Variants in CTPS2 observed in about 807,000 individuals in gnomAD.
The protein encoded by CTPS2 is CTP synthase 2.
A neutral mutation model predicts 46.8 loss-of-function variants in CTPS2; 19 were observed. That is an observed-to-expected ratio of 0.41 (90% CI 0.28 to 0.60). CTPS2 has a LOEUF of 0.60. Ranked by LOEUF, CTPS2 falls within the 20% of genes least tolerant of loss-of-function variation. The probability of loss-of-function intolerance (pLI) is 0.35; values close to 1 mark genes in which losing one functional copy is unlikely to be tolerated. For synonymous variants in CTPS2, 151 were observed against 165.2 expected (o/e 0.91, Z 0.66); for missense variants, 286 against 447.6 (o/e 0.64, Z 3.26).
chrX:16,626,644 C>T (rs770089777), intron 14 of CTPS2, among the ~76,000 whole-genome samples: 28 of 111,311 alleles, frequency 2.5e-4, no homozygotes, highest in Non-Finnish European at 5.1e-4. Context: ...GTCCATGATG[C>T]CCTCTTGCTC....
Position 16,588,840 on chromosome X carries a change from C to T in CTPS2, c.*977G>A, listed in dbSNP as rs1207487155. The T allele has an allele frequency of 3.6e-5, 4 of 111,809 alleles. No individual in the cohort carries two copies. Among genetic ancestry groups the T allele is most frequent in the Non-Finnish European group, 7.5e-5 (4 of 53,217 alleles). The allele number at this position is 111,809 out of a possible 1,213,427, so 9.2% of individuals were successfully genotyped here. A position where few individuals can be genotyped will look rare whatever the true frequency, so the allele number is the denominator to read the frequency against. ...CTTCAAAATGGTTAATTCTATGTTA[C>T]GTGAATTTCACGTCGATTAAAAAAT... On this transcript the variant is annotated 3_prime_UTR_variant, in exon 19 of 19. Coordinates refer to ENST00000359276, the MANE Select transcript of CTPS2 (RefSeq NM_175859.3).
intron 17 of CTPS2, among the ~76,000 whole-genome samples, chrX:16,598,612 C>T (rs1392262983): frequency 9.0e-6 from 1 of 111,730 alleles, no homozygotes; most frequent in Non-Finnish European, 1.9e-5. Flanking sequence ...GATTCACAGC[C>T]GAATTCTACC....
intron 7 of CTPS2, among the ~76,000 whole-genome samples, chrX:16,690,285 C>T (rs1168671815): frequency 9.1e-6 from 1 of 109,834 alleles, no homozygotes; most frequent in Non-Finnish European, 1.9e-5. Flanking sequence ...GCAGGAGAAT[C>T]GCTTGAACCC....
chrX:16,626,336 A>G (rs1931149135), intron 14 of CTPS2, among the ~76,000 whole-genome samples: 1 of 111,202 alleles, frequency 9.0e-6, no homozygotes. Context: ...AGCCAAGATC[A>G]TGCCACTGCA....
At chrX:16,607,264 G>A (rs1481106036) in intron 17 of CTPS2, among the ~76,000 whole-genome samples, 3 of 113,115 alleles carry the variant, frequency 2.7e-5, no homozygotes. Flanking sequence ...AACGGGAATT[G>A]TAAAACGGCT....
chrX:16,659,420 AG>A (rs1364280100), intron 13 of CTPS2, among the ~76,000 whole-genome samples: 1 of 110,953 alleles, frequency 9.0e-6, no homozygotes, highest in East Asian at 2.8e-4. Flanking sequence ...GTGGGCATTC[AG>A]AAAGAGAGAA....
chrX:16,625,518 A>G (rs1036851463), intron 14 of CTPS2, among the ~76,000 whole-genome samples: 4 of 110,920 alleles, frequency 3.6e-5, no homozygotes, highest in African/African-American at 1.3e-4. Flanking sequence ...GGTGCCTGTG[A>G]CTCCGGAAAC....
At chrX:16,702,711 A>G (rs745594714) in intron 2 of CTPS2, 26 bp downstream of exon 2, 1 of 1,191,966 alleles carries the variant, frequency 8.4e-7, no homozygotes, top group Admixed American at 2.2e-5. Context: ...CTAGTGCTAT[A>G]AGGGGGAAGT....
At chrX:16,593,397 C>A (rs1196004075) in intron 17 of CTPS2, among the ~76,000 whole-genome samples, 3 of 101,161 alleles carry the variant, frequency 3.0e-5, no homozygotes, top group Non-Finnish European at 4.0e-5. Context: ...CCACTGCACT[C>A]CAGCCTGGGC....
At chrX:16,647,918 T>G (rs1932405025) in intron 13 of CTPS2, among the ~76,000 whole-genome samples, 1 of 110,193 alleles carries the variant, frequency 9.1e-6, no homozygotes, top group Admixed American at 9.7e-5. Flanking sequence ...CCATGTTGTA[T>G]TTTTCTACAA....
In CTPS2 at chrX:16,692,442, G is replaced by A. The variant is rs777497442; in HGVS notation, c.639+699C>T. ...AGATCACACCACTGTACTCCAGCCT[G>A]GGCAACAGAGCCAGACCCCGTCTCA... On this transcript the variant is annotated intron_variant, in intron 6 of 18. Coordinates refer to ENST00000359276, the MANE Select transcript of CTPS2 (RefSeq NM_175859.3). Among the ~76,000 whole-genome samples the A allele has an allele frequency of 1.1e-4, 12 of 110,544 alleles. No individual in the cohort carries two copies. The East Asian group carries it at 2.3e-3, about 21-fold the overall frequency.
chrX:16,651,229 G>C (rs1932613566), intron 13 of CTPS2: 1 of 913,466 alleles, frequency 1.1e-6, no homozygotes, highest in Non-Finnish European at 1.5e-6. Flanking sequence ...GAGCCTTATA[G>C]GGACCGTCGC....
chrX:16,637,167 C>G (rs754026537), intron 14 of CTPS2, among the ~76,000 whole-genome samples: 1 of 111,622 alleles, frequency 9.0e-6, no homozygotes, highest in Non-Finnish European at 1.9e-5. Context: ...GACTCCTGGG[C>G]TCAAGCAATC....
rs192460682 is a variant in CTPS2, at chrX:16,654,889, A to G, written c.1296+12625T>C. Among the ~76,000 whole-genome samples, 536 of 110,571 alleles carry G rather than the reference A, an allele frequency of 4.8e-3. 19 individuals are homozygous for G. The Admixed American group carries it at 0.049, about 10-fold the overall frequency. On this transcript the variant is annotated intron_variant, in intron 13 of 18. Coordinates refer to ENST00000359276, the MANE Select transcript of CTPS2 (RefSeq NM_175859.3). Reference sequence around the variant, plus strand: ...CCACAGAGGGAGACCCTGTCTAAAAATAAAACAAAATAAAAATAAAAATAA... The same window carrying G: ...CCACAGAGGGAGACCCTGTCTAAAAGTAAAACAAAATAAAAATAAAAATAA...
intron 14 of CTPS2, among the ~76,000 whole-genome samples, chrX:16,625,992 G>A (rs1435642071): frequency 1.8e-5 from 2 of 111,716 alleles, no homozygotes; most frequent in East Asian, 2.8e-4. Flanking sequence ...AGGTTTCCAG[G>A]CTTGAGGGTC....
intron 2 of CTPS2, 71 bp from the exon 3 acceptor site, chrX:16,699,164 T>C: frequency 1.2e-6 from 1 of 816,940 alleles, no homozygotes; most frequent in South Asian, 2.9e-5. Context: ...GGACATATTT[T>C]TGTTAAAAAG....
At chrX:16,645,239 C>T (rs1008458999) in intron 13 of CTPS2, among the ~76,000 whole-genome samples, 4 of 109,381 alleles carry the variant, frequency 3.7e-5, no homozygotes, top group Admixed American at 2.9e-4. Flanking sequence ...GTGAACCACA[C>T]GCCTCAGCCT....
intron 17 of CTPS2, among the ~76,000 whole-genome samples, chrX:16,594,731 CAA>C (rs1929136053): frequency 8.9e-6 from 1 of 112,179 alleles, no homozygotes; most frequent in South Asian, 3.7e-4. Flanking sequence ...CTGAGTTTAA[CAA>C]AATGAAGTTC....
intron 10 of CTPS2, among the ~76,000 whole-genome samples, chrX:16,673,850 T>C (rs1453980037): frequency 2.7e-5 from 3 of 111,781 alleles, no homozygotes. Flanking sequence ...CATTAGATTC[T>C]AGGTAAGGCT....
Sources: allele counts gnomAD v4.1 joint callset (sites outside exome capture counted in the v4.1 genomes callset), GRCh38; gene constraint gnomAD v4.1.1; transcripts MANE v1.5; gene names NCBI Gene and HGNC (gene_info 2026-07-23, HGNC 2026-07-21).